The following POLR3E variants were observed in gnomAD, a reference collection of about 807,000 sequenced individuals.
POLR3E encodes DNA-directed RNA polymerase III subunit RPC5.
Under a neutral mutation model 96.6 loss-of-function variants are expected in POLR3E, and 41 were observed. That is an observed-to-expected ratio of 0.42 (90% confidence interval 0.33 to 0.55). The LOEUF (loss-of-function observed/expected upper bound fraction) is 0.55, where lower values mean the gene tolerates loss of function less well. POLR3E is among the 20% of genes least tolerant of loss of function. The pLI, the probability that POLR3E is intolerant of heterozygous loss-of-function variation, is 0.06. For missense variants in POLR3E, 849 were observed against 952.1 expected, an observed-to-expected ratio of 0.89 and a Z score of 1.43; for synonymous variants, 396 against 383.6, an observed-to-expected ratio of 1.03 and a Z score of -0.38.
At chr16:22,301,363 C>T (rs182943098) in intron 1 of POLR3E, among the ~76,000 whole-genome samples, 77 of 152,086 alleles carry the variant, frequency 5.1e-4, no homozygotes, top group African/African-American at 1.8e-3. Flanking sequence ...AGGTGAATCA[C>T]TTGAGGCCAG....
Position 22,308,214 on chromosome 16 carries a change from A to G in POLR3E, c.154A>G (p.Lys52Glu), listed in dbSNP as rs761791108. The G allele has an allele frequency of 6.2e-7, 1 of 1,613,214 alleles. No homozygotes were observed. The highest frequency in any genetic ancestry group is 1.7e-5 in the Admixed American group (1 of 60,006). ...IPHLSAKIKP[K>E]QQKVELEMAI... Reference sequence around the variant, plus strand: ...GCACCTCTCAGCCAAGATCAAGCCCAAGCAGCAGAAGGTGGGGCTGCCCCC... The same window carrying G: ...GCACCTCTCAGCCAAGATCAAGCCCGAGCAGCAGAAGGTGGGGCTGCCCCC... Residue 52 changes from lysine to glutamate, a missense_variant, in exon 4 of 21, where the codon AAG becomes GAG. Transcript: ENST00000299853.
intron 3 of POLR3E, among the ~76,000 whole-genome samples, chr16:22,306,032 A>G (rs1296947713): frequency 6.6e-6 from 1 of 151,976 alleles, no homozygotes; most frequent in Non-Finnish European, 1.5e-5. Context: ...CTTTAAAGGA[A>G]CCCCTTGCCT....
chr16:22,327,123 G>A (rs2141814948), intron 18 of POLR3E: 1 of 152,938 alleles, frequency 6.5e-6, no homozygotes, highest in Admixed American at 6.5e-5. Context: ...GCAAAATGGG[G>A]TGAGGTGGGG....
At chr16:22,330,631 C>G (rs1238230851) in intron 19 of POLR3E, among the ~76,000 whole-genome samples, 1 of 152,196 alleles carries the variant, frequency 6.6e-6, no homozygotes, top group African/African-American at 2.4e-5. Flanking sequence ...TTCCCCATGT[C>G]TGTTGCTGAA....
rs540535711 is a variant in POLR3E, at chr16:22,318,293, C to T, written c.866-533C>T. ...ATTTTTAGTAGAGATGGGGTTTCGC[C>T]TTGTTGGCCAGGCTAGTCTCAAATT... On this transcript the variant is annotated intron_variant, in intron 12 of 20. Coordinates refer to ENST00000299853, the MANE Select transcript of POLR3E (RefSeq NM_018119.4). This position sits in a 1 kb window ranked among gnomAD's most constrained non-coding sequence, Gnocchi z 5.0. Among the ~76,000 whole-genome samples, 1 of 152,140 alleles carries T rather than the reference C, an allele frequency of 6.6e-6. No individual in the cohort carries two copies. Among genetic ancestry groups the T allele is most frequent in the Non-Finnish European group, 1.5e-5 (1 of 68,028 alleles).
At chr16:22,321,972 C>A (rs1437764755) in intron 13 of POLR3E, among the ~76,000 whole-genome samples, 2 of 152,232 alleles carry the variant, frequency 1.3e-5, no homozygotes, top group Non-Finnish European at 2.9e-5. Context: ...GGCTCTCATT[C>A]AGACACTGCC....
At position 22,314,955 on chromosome 16, in the gene POLR3E, G is replaced by A. The variant is rs903787261; in HGVS notation, c.523-134G>A. ...GACACGGTTGGAACGGAATTTAAAC[G>A]ACCTGTGCTAGGAAAGGAAGGGAGA... On this transcript the variant is annotated intron_variant, in intron 8 of 20. Transcript: ENST00000299853. 4 of 874,496 alleles carry A rather than the reference G, an allele frequency of 4.6e-6. No homozygotes were observed. In the Admixed American group the frequency reaches 8.5e-5, roughly 19 times the overall value. 54.2% of individuals were successfully genotyped at this position (874,496 alleles called of 1,614,324 possible). A position where few individuals can be genotyped will look rare whatever the true frequency, so the allele number is the denominator to read the frequency against.
intron 19 of POLR3E, chr16:22,331,367 G>A (rs1304626382): frequency 1.3e-5 from 2 of 151,964 alleles, no homozygotes; most frequent in African/African-American, 4.8e-5. Flanking sequence ...TTTAAATTTG[G>A]CCTGTATTCT....
At chr16:22,298,267 A>C (rs1598224844) in intron 1 of POLR3E, among the ~76,000 whole-genome samples, 1 of 152,292 alleles carries the variant, frequency 6.6e-6, no homozygotes, top group East Asian at 1.9e-4. Flanking sequence ...AGATAATAGA[A>C]ATTCCTACCT....
Position 22,318,881 on chromosome 16 carries a change from C to T in POLR3E, c.921C>T (p.Ser307=), listed in dbSNP as rs924729056. Reference sequence around the variant, plus strand: ...GCCTCCTGGGCCCCTCCATCGATTCCGTGGCTGTTCTGCGGGGCATCCAGA... The same window carrying T: ...GCCTCCTGGGCCCCTCCATCGATTCTGTGGCTGTTCTGCGGGGCATCCAGA... The part of the protein sequence containing the change: ...LMSLLGPSID[S]VAVLRGIQKV... The change falls in exon 13 of 21, where the codon TCC becomes TCT. Residue 307 remains serine (S), a synonymous_variant. Coordinates refer to ENST00000299853, the MANE Select transcript of POLR3E (RefSeq NM_018119.4). The surrounding 1 kb of genome is among the most constrained non-coding windows in gnomAD (Gnocchi z 5.0). 35 of 1,613,540 alleles carry T rather than the reference C, an allele frequency of 2.2e-5. No homozygotes were observed. Among genetic ancestry groups the T allele is most frequent in the Non-Finnish European group, 2.7e-5 (32 of 1,179,748 alleles).
intron 9 of POLR3E, 57 bp from the exon 10 acceptor site, chr16:22,316,544 G>T (rs1425005170): frequency 6.5e-6 from 9 of 1,385,076 alleles, no homozygotes; most frequent in African/African-American, 1.4e-5. Flanking sequence ...TGGGGGAGGG[G>T]GCCCAGGCCA....
chr16:22,331,137 C>T (rs1393452509), intron 19 of POLR3E, among the ~76,000 whole-genome samples: 1 of 151,546 alleles, frequency 6.6e-6, no homozygotes, highest in African/African-American at 2.4e-5. Flanking sequence ...TGCCACCACG[C>T]GTGGCTGATT....
At position 22,313,936 on chromosome 16, in the gene POLR3E, G is replaced by T; in HGVS notation, c.473-143G>T. On this transcript the variant is annotated intron_variant, in intron 7 of 20. Transcript: ENST00000299853. This position sits in a 1 kb window ranked among gnomAD's most constrained non-coding sequence, Gnocchi z 4.1. ...AGGGTAAAGGGGCAAAACTGTCCCCGATTGAGAACCACTGGCTTAGGCAGC... is the reference window on the plus strand; with the variant it reads ...AGGGTAAAGGGGCAAAACTGTCCCCTATTGAGAACCACTGGCTTAGGCAGC... 1 of 772,514 alleles carries T rather than the reference G, an allele frequency of 1.3e-6. No individual in the cohort carries two copies. Among genetic ancestry groups the T allele is most frequent in the Non-Finnish European group, 2.2e-6 (1 of 446,790 alleles). The allele number at this position is 772,514 out of a possible 1,614,324, so 47.9% of individuals were successfully genotyped here.
rs1300802022 is a variant in POLR3E at position 22,302,965 on chromosome 16, T to C, written c.-4T>C. 1.9e-6 allele frequency: 3 copies of C among 1,613,688 alleles called. No homozygotes were observed. Among genetic ancestry groups the C allele is most frequent in the Non-Finnish European group, 2.5e-6 (3 of 1,179,752 alleles). On this transcript the variant is annotated 5_prime_UTR_variant, in exon 2 of 21. Coordinates refer to ENST00000299853, the MANE Select transcript of POLR3E (RefSeq NM_018119.4). ...AAGGACTGCGCGGCTGGCTCTCCTC[T>C]AGTATGGCCAATGAAGAGGATGACC... is the stretch of plus-strand genomic sequence containing the variant.
chr16:22,304,236 A>G (rs16972395), intron 2 of POLR3E, among the ~76,000 whole-genome samples: 10,203 of 152,222 alleles, frequency 0.067, 611 homozygotes, highest in African/African-American at 0.15. Flanking sequence ...CAGCCTCCTT[A>G]TATGCGGAGC....
rs1252019071 is a variant in POLR3E at position 22,328,941 on chromosome 16, T to C, written c.1944+354T>C. On this transcript the variant is annotated intron_variant, in intron 19 of 20. Coordinates refer to ENST00000299853, the MANE Select transcript of POLR3E (RefSeq NM_018119.4). Reference sequence around the variant, plus strand: ...GGGAGTTTGACACCAGCCTGACCAATATGGTGAAACCCCATCTCTACTAAA... The same window carrying C: ...GGGAGTTTGACACCAGCCTGACCAACATGGTGAAACCCCATCTCTACTAAA... 2.2e-5 allele frequency: 6 copies of C among 277,118 alleles called. No individual in the cohort carries two copies. In the Admixed American group the frequency reaches 2.8e-4, roughly 13 times the overall value. 17.2% of individuals were successfully genotyped at this position (277,118 alleles called of 1,614,324 possible). A position where few individuals can be genotyped will look rare whatever the true frequency, so the allele number is the denominator to read the frequency against.
chr16:22,326,242 G>A lies in POLR3E; in HGVS notation c.1830G>A (p.Thr610=), dbSNP rs764189910. ...TCTCGGACCGCATGCTACAGGACACGGTGCTGGCCGCCGGTTGCAAGCAGA... is the reference window on the plus strand; with the variant it reads ...TCTCGGACCGCATGCTACAGGACACAGTGCTGGCCGCCGGTTGCAAGCAGA... ...SGISDRMLQD[T]VLAAGCKQIL... Residue 610 remains threonine, a synonymous_variant, in exon 18 of 21, where the codon ACG becomes ACA. Transcript: ENST00000299853. The A allele has an allele frequency of 8.7e-6, 14 of 1,610,610 alleles. No homozygotes were observed. The South Asian group carries it at 1.3e-4, about 15-fold the overall frequency.
At position 22,326,153 on chromosome 16, in the gene POLR3E, C is replaced by G. The variant is rs2048586583; in HGVS notation, c.1741C>G (p.Leu581Val). ...QRQFVLTLSELKRLFNLHLAS... is the reference protein window; with the variant it reads ...QRQFVLTLSEVKRLFNLHLAS... ...ACAGTTTGTGCTCACGCTGAGCGAACTCAAGCGCCTCTTCAATCTGCACTT... is the reference window on the plus strand; with the variant it reads ...ACAGTTTGTGCTCACGCTGAGCGAAGTCAAGCGCCTCTTCAATCTGCACTT... Residue 581 changes from leucine (L) to valine (V), a missense_variant, in exon 18 of 21, where the codon CTC becomes GTC. Physicochemically the swap from Leu to Val is conservative, Grantham distance 32 (BLOSUM62 1). Transcript: ENST00000299853. The G allele has an allele frequency of 6.2e-7, 1 of 1,613,898 alleles. No homozygotes were observed. The highest frequency in any genetic ancestry group is 1.3e-5 in the African/African-American group (1 of 74,944).
chr16:22,298,878 C>G (rs1246571303), intron 1 of POLR3E: 1 of 440,094 alleles, frequency 2.3e-6, no homozygotes, highest in Non-Finnish European at 4.6e-6. Context: ...AGAACCAGCA[C>G]TGGATTTTTT....
Sources: gnomAD v4.1 joint callset for allele counts (sites outside exome capture counted in the v4.1 genomes callset) on GRCh38, gnomAD v4.1.1 for gene constraint, Gnocchi (gnomAD v3.1) non-coding constraint, MANE v1.5 for transcripts, NCBI Gene and HGNC (gene_info 2026-07-23, HGNC 2026-07-21) for gene names.